The following CMAS variants were observed in gnomAD, a reference collection of about 807,000 sequenced individuals.
CMAS encodes cytidine monophosphate N-acetylneuraminic acid synthetase.
CMAS carries 21 observed loss-of-function variants against 53.4 expected under a neutral mutation model. That is an observed-to-expected ratio of 0.39 (90% CI 0.28 to 0.57). CMAS has a LOEUF of 0.57. CMAS is among the 20% of genes least tolerant of loss of function. CMAS has a pLI of 0.56. For synonymous variants in CMAS, 189 were observed against 195.2 expected (o/e 0.97, Z 0.27); for missense variants, 384 against 534.9 (o/e 0.72, Z 2.78).
Position 22,055,456 on chromosome 12 carries a change from G to C in CMAS, c.405G>C (p.Glu135Asp), listed in dbSNP as rs375409612. ...TTTCATTTCTCTTGTCTTTTTAAGA[G>C]GTTGACATTGTAGGAAATATTCAAG... ...AIIEFLNYHN[E>D]VDIVGNIQAT... Residue 135 changes from glutamate (E) to aspartate (D), a missense_variant and splice_region_variant, in exon 3 of 8, where the codon GAG becomes GAC. By Grantham distance (45) the Glu-to-Asp change is conservative. Coordinates refer to ENST00000229329, the MANE Select transcript of CMAS (RefSeq NM_018686.6). The C allele has an allele frequency of 1.3e-5, 20 of 1,583,124 alleles. No homozygotes were observed. Among genetic ancestry groups the C allele is most frequent in the Non-Finnish European group, 1.6e-5 (19 of 1,170,306 alleles).
Position 22,046,543 on chromosome 12 carries a change from G to T in CMAS, c.240G>T (p.Leu80=). The change falls in exon 1 of 8, where the codon CTG becomes CTT. Residue 80 remains leucine (L), a synonymous_variant. Transcript: ENST00000229329. ...PLIGWVLRAA[L]DSGAFQSVWV... ...TTGGCTGGGTCCTGCGTGCGGCCCT[G>T]GATTCAGGGGCCTTCCAGAGGTGCG... is the stretch of plus-strand genomic sequence containing the variant. 1.3e-6 allele frequency: 2 copies of T among 1,596,808 alleles called. No homozygotes were observed. Among genetic ancestry groups the T allele is most frequent in the Non-Finnish European group, 1.7e-6 (2 of 1,172,954 alleles).
intron 1 of CMAS, among the ~76,000 whole-genome samples, chr12:22,048,091 C>A (rs1591791477): frequency 1.3e-5 from 2 of 152,184 alleles, no homozygotes; most frequent in African/African-American, 4.8e-5. Context: ...AAAAATGATT[C>A]ATTCATTCAG....
At chr12:22,061,250 G>A in intron 5 of CMAS, 31 bp from the exon 6 acceptor site, 1 of 1,510,014 alleles carries the variant, frequency 6.6e-7, no homozygotes, top group Non-Finnish European at 9.2e-7. Flanking sequence ...TACTGCACTT[G>A]TACTCAAAGG....
At chr12:22,056,591 T>G (rs1950269713) in intron 3 of CMAS, among the ~76,000 whole-genome samples, 1 of 152,180 alleles carries the variant, frequency 6.6e-6, no homozygotes, top group African/African-American at 2.4e-5. Flanking sequence ...CTAACAAGAC[T>G]AAGGGATCTG....
intron 3 of CMAS, among the ~76,000 whole-genome samples, chr12:22,057,538 T>C (rs1212064637): frequency 3.3e-5 from 5 of 152,156 alleles, no homozygotes; most frequent in Admixed American, 2.6e-4. Context: ...GCAATAATTG[T>C]ATAAAAACAA....
chr12:22,061,893 C>T (rs1012193161), intron 6 of CMAS, among the ~76,000 whole-genome samples: 11 of 151,994 alleles, frequency 7.2e-5, no homozygotes, highest in Non-Finnish European at 1.6e-4. Context: ...TTATAATTTA[C>T]CAGAAATCCT....
Position 22,062,452 on chromosome 12 carries a change from C to T in CMAS, c.1114+18C>T, listed in dbSNP as rs758472169. 6.2e-7 allele frequency: 1 copy of T among 1,608,290 alleles called. No homozygotes were observed. On this transcript the variant is annotated intron_variant, in intron 7 of 7. Transcript: ENST00000229329. Reference sequence around the variant, plus strand: ...ATATCTTGGTTGGTATCTTTTTATTCACCCATAGTAAAATGGACCAGGAAT... The same window carrying T: ...ATATCTTGGTTGGTATCTTTTTATTTACCCATAGTAAAATGGACCAGGAAT...
In CMAS at chr12:22,062,322, GTCT is replaced by G; in HGVS notation, c.1007_1009del (p.Ser336del). ...AAAGGGCCTGTTCAAAGCAGACGCT[GTCT>G]TCTTTAAAACTGGATTGCAAAATGG... is the stretch of plus-strand genomic sequence containing the variant. On this transcript the variant is annotated inframe_deletion, in exon 7 of 8. Coordinates refer to ENST00000229329, the MANE Select transcript of CMAS (RefSeq NM_018686.6). The G allele has an allele frequency of 1.9e-6, 3 of 1,604,684 alleles. No individual in the cohort carries two copies. Among genetic ancestry groups the G allele is most frequent in the South Asian group, 2.2e-5 (2 of 90,810 alleles).
intron 1 of CMAS, 126 bp downstream of exon 1, chr12:22,046,689 T>G: frequency 8.6e-7 from 1 of 1,169,214 alleles, no homozygotes; most frequent in Non-Finnish European, 1.1e-6. Flanking sequence ...ATGCCAGGGA[T>G]GTGCAAGATC....
chr12:22,061,853 A>AT (rs1053085452), intron 6 of CMAS, among the ~76,000 whole-genome samples: 1 of 152,106 alleles, frequency 6.6e-6, no homozygotes, highest in African/African-American at 2.4e-5. Flanking sequence ...GTTTAAGTGT[A>AT]TTTTTTTAAA....
intron 1 of CMAS, among the ~76,000 whole-genome samples, chr12:22,054,075 C>T (rs1164570397): frequency 1.3e-4 from 20 of 151,464 alleles, no homozygotes; most frequent in Admixed American, 1.1e-3. Context: ...TACAGGTGTG[C>T]ATCACCATGC....
chr12:22,059,620 A>C (rs1420124490), intron 4 of CMAS, among the ~76,000 whole-genome samples: 1 of 152,196 alleles, frequency 6.6e-6, no homozygotes, highest in East Asian at 1.9e-4. Flanking sequence ...TATTATTCTG[A>C]GCAAAAGAGA....
chr12:22,046,645 CG>C (rs1428305992), intron 1 of CMAS, 82 bp downstream of exon 1: 2 of 1,368,368 alleles, frequency 1.5e-6, no homozygotes, highest in Non-Finnish European at 1.9e-6. Context: ...CTGGGGCCTC[CG>C]GGGCCACCGC....
At position 22,065,276 on chromosome 12, in the gene CMAS, C is replaced by T. The variant is rs199500244; in HGVS notation, c.1270C>T (p.Leu424=). The T allele has an allele frequency of 1.8e-4, 295 of 1,613,432 alleles. No individual in the cohort carries two copies. Among genetic ancestry groups the T allele is most frequent in the Non-Finnish European group, 2.1e-4 (246 of 1,179,632 alleles). The change falls in exon 8 of 8, where the codon CTA becomes TTA. Residue 424 remains leucine, a synonymous_variant. Coordinates refer to ENST00000229329, the MANE Select transcript of CMAS (RefSeq NM_018686.6). ...IREFAEHICL[L]MEKVNNSCQK is the part of the protein sequence containing the mutation. ...AGAATTTGCAGAGCACATTTGCCTACTAATGGAAAAGGTTAATAATTCATG... is the reference window on the plus strand; with the variant it reads ...AGAATTTGCAGAGCACATTTGCCTATTAATGGAAAAGGTTAATAATTCATG...
At chr12:22,058,873 C>A (rs1950287677) in intron 4 of CMAS, among the ~76,000 whole-genome samples, 173 bp downstream of exon 4, 1 of 152,020 alleles carries the variant, frequency 6.6e-6, no homozygotes, top group African/African-American at 2.4e-5. Context: ...CAGGTTTACC[C>A]CAAAGTGATC....
At chr12:22,064,708 G>A (rs1035173642) in intron 7 of CMAS, among the ~76,000 whole-genome samples, 96 of 152,168 alleles carry the variant, frequency 6.3e-4, no homozygotes, top group African/African-American at 2.0e-3. Context: ...AAACTAGGGG[G>A]CAGTGCATAG....
At chr12:22,047,102 A>G (rs1440374595) in intron 1 of CMAS, among the ~76,000 whole-genome samples, 5 of 152,188 alleles carry the variant, frequency 3.3e-5, no homozygotes, top group Admixed American at 6.5e-5. Flanking sequence ...TACTCCAGCT[A>G]TCTTCCTGTG....
At chr12:22,054,216 C>T (rs919306560) in intron 1 of CMAS, among the ~76,000 whole-genome samples, 2 of 152,066 alleles carry the variant, frequency 1.3e-5, no homozygotes, top group Non-Finnish European at 2.9e-5. Context: ...TGTGAGACTC[C>T]AGGCCTGACC....
intron 7 of CMAS, among the ~76,000 whole-genome samples, chr12:22,064,906 C>G (rs919838551): frequency 6.6e-6 from 1 of 152,118 alleles, no homozygotes; most frequent in African/African-American, 2.4e-5. Flanking sequence ...TTCTCTAGCT[C>G]ATAAGAGTTT....
Sources: gnomAD v4.1 joint callset for allele counts (sites outside exome capture counted in the v4.1 genomes callset) on GRCh38, gnomAD v4.1.1 for gene constraint, MANE v1.5 for transcripts, NCBI Gene and HGNC (gene_info 2026-07-23, HGNC 2026-07-21) for gene names.